The following EDEM2 variants were observed in gnomAD, a reference collection of about 807,000 sequenced individuals.
The protein encoded by EDEM2 is ER degradation enhancing alpha-mannosidase like protein 2, also known as ER degradation-enhancing alpha-mannosidase-like protein 2.
In EDEM2, 39 loss-of-function variants were observed where a neutral mutation model predicts 64.8. The observed-to-expected ratio is 0.60, with a 90% CI of 0.47 to 0.79. The LOEUF is 0.79. EDEM2 is among the 30% of genes least tolerant of loss of function. The pLI, the probability that EDEM2 is intolerant of heterozygous loss-of-function variation, is 0.00. For synonymous variants in EDEM2, 296 were observed against 291.5 expected, an observed-to-expected ratio of 1.02 and a Z score of -0.16; for missense variants, 609 against 731.3, an observed-to-expected ratio of 0.83 and a Z score of 1.93.
chr20:35,116,202 C>T (rs2085307884), intron 10 of EDEM2, among the ~76,000 whole-genome samples: 1 of 152,176 alleles, frequency 6.6e-6, no homozygotes, highest in African/African-American at 2.4e-5. Context: ...CAGGGTCTCA[C>T]ACCATGTTGC....
At chr20:35,133,634 T>G (rs897854488) in intron 6 of EDEM2, among the ~76,000 whole-genome samples, 3 of 151,948 alleles carry the variant, frequency 2.0e-5, no homozygotes, top group African/African-American at 7.3e-5. Flanking sequence ...GCCCGGCTAA[T>G]TTTGTATTTT....
intron 7 of EDEM2, among the ~76,000 whole-genome samples, chr20:35,128,239 T>G (rs995774779): frequency 7.9e-5 from 12 of 151,582 alleles, no homozygotes; most frequent in Non-Finnish European, 1.8e-4. Context: ...AAAAATTAGC[T>G]GGGTGTGGTG....
chr20:35,130,441 T>C (rs1423596888), intron 7 of EDEM2, among the ~76,000 whole-genome samples: 2 of 152,162 alleles, frequency 1.3e-5, no homozygotes, highest in Admixed American at 1.3e-4. Context: ...GCAGAACAAG[T>C]ATAACAATAT....
chr20:35,137,128 T>G (rs994094666), intron 5 of EDEM2, among the ~76,000 whole-genome samples: 3 of 152,022 alleles, frequency 2.0e-5, no homozygotes, highest in Admixed American at 2.0e-4. Flanking sequence ...AACCAAACTG[T>G]GGAGAGAGGC....
chr20:35,140,763 T>C (rs546576049), intron 4 of EDEM2, among the ~76,000 whole-genome samples: 188 of 151,058 alleles, frequency 1.2e-3, no homozygotes, highest in Non-Finnish European at 2.3e-3. Context: ...AAGAGGAAAA[T>C]GGAATGGGGG....
chr20:35,129,145 G>A (rs1362123329), intron 7 of EDEM2, among the ~76,000 whole-genome samples: 6 of 152,066 alleles, frequency 3.9e-5, no homozygotes, highest in Non-Finnish European at 5.9e-5. Flanking sequence ...GGTGGCTCAC[G>A]CCTGTAATCC....
intron 5 of EDEM2, among the ~76,000 whole-genome samples, chr20:35,136,044 C>T (rs897332908): frequency 6.6e-6 from 1 of 152,174 alleles, no homozygotes; most frequent in Admixed American, 6.5e-5. Flanking sequence ...GCAGCCTATG[C>T]GTCACCAAAC....
chr20:35,126,870 C>T (rs758923700), intron 7 of EDEM2, among the ~76,000 whole-genome samples: 6 of 152,140 alleles, frequency 3.9e-5, no homozygotes, highest in Non-Finnish European at 7.4e-5. Context: ...TGAGATCGCA[C>T]CATTGCACTC....
rs2085428609 is a variant in EDEM2 at position 35,126,082 on chromosome 20, G to C, written c.969+169C>G. 2.0e-5 allele frequency among the ~76,000 whole-genome samples: 3 copies of C among 152,172 alleles called. No individual in the cohort carries two copies. The South Asian group carries it at 6.2e-4, about 31-fold the overall frequency. On this transcript the variant is annotated intron_variant, in intron 8 of 10. Transcript: ENST00000374492. ...TCAGTTCCTGACACTCAATTTGGCA[G>C]AACTCTAAATCTATCTAATTCACTC...
chr20:35,145,120 AATGC>A, intron 2 of EDEM2, 102 bp from the exon 3 acceptor site: 1 of 1,166,050 alleles, frequency 8.6e-7, no homozygotes, highest in Non-Finnish European at 1.3e-6. Context: ...GAGGCAAAGT[AATGC>A]CTCTGCCTGT....
chr20:35,134,294 T>C (rs2085544842), intron 6 of EDEM2, among the ~76,000 whole-genome samples: 1 of 152,182 alleles, frequency 6.6e-6, no homozygotes, highest in Non-Finnish European at 1.5e-5. Context: ...GGGGATATTA[T>C]ATCTAATATT....
At chr20:35,118,264 T>C (rs769061811) in intron 10 of EDEM2, among the ~76,000 whole-genome samples, 3 of 152,316 alleles carry the variant, frequency 2.0e-5, no homozygotes, top group Non-Finnish European at 2.9e-5. Context: ...AAATCTATTT[T>C]AGTGTCTCAC....
intron 6 of EDEM2, among the ~76,000 whole-genome samples, 155 bp from the exon 7 acceptor site, chr20:35,131,938 GAT>G (rs1312122742): frequency 6.6e-6 from 1 of 152,204 alleles, no homozygotes; most frequent in African/African-American, 2.4e-5. Context: ...GGCAATGCTG[GAT>G]CATGGCCAGC....
chr20:35,135,668 A>AAT (rs2085566410), intron 5 of EDEM2, among the ~76,000 whole-genome samples: 1 of 152,036 alleles, frequency 6.6e-6, no homozygotes, highest in African/African-American at 2.4e-5. Flanking sequence ...TAATAATAAT[A>AAT]AACAAAGCCA....
Position 35,131,778 on chromosome 20 carries a change from G to A in EDEM2, c.708C>T (p.Gly236=), listed in dbSNP as rs1397417954. 2 of 1,613,442 alleles carry A rather than the reference G, an allele frequency of 1.2e-6. No individual in the cohort carries two copies. Among genetic ancestry groups the A allele is most frequent in the African/African-American group, 2.7e-5 (2 of 74,880 alleles). Residue 236 remains glycine (G), a synonymous_variant, in exon 7 of 11, where the codon GGC becomes GGT. Transcript: ENST00000374492. ...WESRSDIGLV[G]NHIDVLTGKW... ...TGCCAGTGAGCACATCAATGTGGTT[G>A]CCGACCTGAGAGAGAGAAAGACACA...
Position 35,134,748 on chromosome 20 carries a change from T to A in EDEM2, c.692A>T (p.Asp231Val). ...CAGCAGCGAACCTACCAGCCCGATA[T>A]CTGACCGGCTCTCCCAGAGGCGCAT... ...ALMRLWESRS[D>V]IGLVGNHIDV... The change falls in exon 6 of 11, where the codon GAT becomes GTT. Residue 231 changes from aspartate (D) to valine (V), a missense_variant. By Grantham distance (152) the Asp-to-Val change is radical. Transcript: ENST00000374492. The A allele has an allele frequency of 6.2e-7, 1 of 1,613,048 alleles. No homozygotes were observed. The highest frequency in any genetic ancestry group is 8.5e-7 in the Non-Finnish European group (1 of 1,179,982).
intron 5 of EDEM2, among the ~76,000 whole-genome samples, chr20:35,136,809 C>T (rs1312696059): frequency 1.3e-5 from 2 of 150,476 alleles, no homozygotes; most frequent in African/African-American, 2.4e-5. Flanking sequence ...AGTGAGATGG[C>T]CAAGAGGTGA....
chr20:35,118,359 G>A (rs913920829), intron 10 of EDEM2: 4 of 504,796 alleles, frequency 7.9e-6, no homozygotes, highest in Non-Finnish European at 1.4e-5. Context: ...GCCAAGGGCC[G>A]GGGTCAAGAT....
At chr20:35,131,928 G>T in intron 6 of EDEM2, 145 bp from the exon 7 acceptor site, 1 of 934,198 alleles carries the variant, frequency 1.1e-6, no homozygotes. Context: ...GAGAGGGAAG[G>T]GCAATGCTGG....
Sources: allele counts gnomAD v4.1 joint callset (sites outside exome capture counted in the v4.1 genomes callset), GRCh38; gene constraint gnomAD v4.1.1; transcripts MANE v1.5; gene names NCBI Gene and HGNC (gene_info 2026-07-23, HGNC 2026-07-21).